Variants in GRAMD1B observed in about 807,000 individuals in gnomAD.
GRAMD1B encodes GRAM domain containing 1B.
In GRAMD1B, 37 loss-of-function variants were observed where a neutral mutation model predicts 99.7. The ratio of observed to expected loss-of-function variants is 0.37; its 90% CI spans 0.29 to 0.49. The LOEUF (loss-of-function observed/expected upper bound fraction) is 0.49. Among genes scored for constraint, GRAMD1B ranks in the 20% least tolerant of loss-of-function variants. GRAMD1B has a pLI of 0.98. For synonymous variants in GRAMD1B, 427 were observed against 387.6 expected, an observed-to-expected ratio of 1.10 and a Z score of -1.19; for missense variants, 888 against 1,009.2, an observed-to-expected ratio of 0.88 and a Z score of 1.63.
Position 123,620,343 on chromosome 11 carries a change from G to A in GRAMD1B, c.2544+1119G>A, listed in dbSNP as rs182437971. Among the ~76,000 whole-genome samples, 264 of 152,038 alleles carry A rather than the reference G, an allele frequency of 1.7e-3. 1 individual carries two copies. Among genetic ancestry groups the A allele is most frequent in the African/African-American group, 5.9e-3 (245 of 41,468 alleles). ...ATAAAAATTAGCCGTGTATGGTGGC[G>A]CACACCTGTAATCCCAGCTACTTGG... On this transcript the variant is annotated intron_variant, in intron 19 of 19. Transcript: ENST00000635736.
At chr11:123,499,255 T>C (rs934869067) in intron 2 of GRAMD1B, among the ~76,000 whole-genome samples, 7 of 152,232 alleles carry the variant, frequency 4.6e-5, no homozygotes, top group African/African-American at 1.7e-4. Flanking sequence ...CCTCTTGCCA[T>C]GTGATACCTT....
At chr11:123,409,273 G>A (rs1427838195) in intron 1 of GRAMD1B, among the ~76,000 whole-genome samples, 5 of 152,120 alleles carry the variant, frequency 3.3e-5, no homozygotes, top group African/African-American at 1.2e-4. Context: ...TAATTTCTCT[G>A]GTCCTCTTTT....
intron 1 of GRAMD1B, among the ~76,000 whole-genome samples, chr11:123,470,213 C>T (rs895757914): frequency 1.3e-5 from 2 of 152,186 alleles, no homozygotes; most frequent in African/African-American, 2.4e-5. Context: ...GGCTTGCACA[C>T]CCACACCACA....
rs1591493517 is a variant in GRAMD1B, at chr11:123,424,284, C to T, written c.-175-56532C>T. Among the ~76,000 whole-genome samples, 4 of 150,720 alleles carry T rather than the reference C, an allele frequency of 2.7e-5. No homozygotes were observed. In the East Asian group the frequency reaches 7.8e-4, roughly 29 times the overall value. ...AAAAAAAAAAAAGAAAAAAGAAAAC[C>T]ACCAAACCCAAACCAATCTGAATAG... On this transcript the variant is annotated intron_variant, in intron 1 of 20. Coordinates refer to the GRAMD1B transcript ENST00000638157.
chr11:123,375,083 C>G (rs1565457860), intron 1 of GRAMD1B, among the ~76,000 whole-genome samples: 1 of 152,156 alleles, frequency 6.6e-6, no homozygotes, highest in Non-Finnish European at 1.5e-5. Flanking sequence ...TCTTCATGAT[C>G]TCACTTAACT....
chr11:123,616,281 CA>C (rs1954373861), intron 17 of GRAMD1B, among the ~76,000 whole-genome samples: 1 of 152,192 alleles, frequency 6.6e-6, no homozygotes, highest in Admixed American at 6.5e-5. Context: ...GAGATCGCGC[CA>C]CTGCACTCCA....
chr11:123,443,181 C>T (rs1484140798), intron 1 of GRAMD1B, among the ~76,000 whole-genome samples: 1 of 152,162 alleles, frequency 6.6e-6, no homozygotes, highest in Non-Finnish European at 1.5e-5. Flanking sequence ...GATTTAAACG[C>T]CTCTGACAGA....
At chr11:123,409,703 G>GT (rs1443422540) in intron 1 of GRAMD1B, among the ~76,000 whole-genome samples, 4 of 152,142 alleles carry the variant, frequency 2.6e-5, no homozygotes, top group Non-Finnish European at 5.9e-5. Context: ...AGCCAGCATG[G>GT]GTTCCTGCAA....
At chr11:123,487,432 C>A (rs968702644) in intron 2 of GRAMD1B, among the ~76,000 whole-genome samples, 10 of 152,152 alleles carry the variant, frequency 6.6e-5, no homozygotes, top group African/African-American at 2.4e-4. Context: ...TCGGGAACCA[C>A]AAATACTTCA....
chr11:123,465,701 G>A (rs971376661), intron 1 of GRAMD1B, among the ~76,000 whole-genome samples: 3 of 151,810 alleles, frequency 2.0e-5, no homozygotes, highest in East Asian at 1.9e-4. Context: ...CCCGGGAGGC[G>A]GAGGTTGCAG....
At chr11:123,600,218 A>C (rs1951778926) in intron 7 of GRAMD1B, among the ~76,000 whole-genome samples, 1 of 152,178 alleles carries the variant, frequency 6.6e-6, no homozygotes, top group African/African-American at 2.4e-5. Flanking sequence ...AACAGGGAGA[A>C]AAGCACTGAG....
At position 123,600,524 on chromosome 11, in the gene GRAMD1B, C is replaced by T. The variant is rs1460873658; in HGVS notation, c.1026C>T (p.Leu342=). ...RDRTYMMMFR[L]WQNALLEKPL... is the part of the protein sequence containing the mutation. The stretch of plus-strand genomic sequence containing the variant: ...GGACATATATGATGATGTTCCGGCT[C>T]TGGCAGAATGCTCTCCTTGAAAAGG... Residue 342 remains leucine (L), a synonymous_variant, in exon 8 of 20, where the codon CTC becomes CTT. Transcript: ENST00000635736. 1.9e-6 allele frequency: 3 copies of T among 1,612,660 alleles called. No individual in the cohort carries two copies. The highest frequency in any genetic ancestry group is 1.1e-5 in the South Asian group (1 of 90,984).
At chr11:123,424,483 C>A (rs1051044998) in intron 1 of GRAMD1B, among the ~76,000 whole-genome samples, 2 of 151,968 alleles carry the variant, frequency 1.3e-5, no homozygotes, top group South Asian at 2.1e-4. Flanking sequence ...AAACAAACAA[C>A]CAACCAAAAA....
In GRAMD1B at chr11:123,510,057, G is replaced by C. The variant is rs923940642; in HGVS notation, c.452+29164G>C. 1 of 152,290 alleles carries C rather than the reference G, an allele frequency of 6.6e-6. No individual in the cohort carries two copies. The highest frequency in any genetic ancestry group is 2.4e-5 in the African/African-American group (1 of 41,436). 9.4% of individuals were successfully genotyped at this position (152,290 alleles called of 1,614,324 possible). On this transcript the variant is annotated intron_variant, in intron 2 of 19. Coordinates refer to ENST00000635736, the MANE Select transcript of GRAMD1B (RefSeq NM_001387025.1). This position sits in a 1 kb window ranked among gnomAD's most constrained non-coding sequence, Gnocchi z 4.3. ...TGCAAGGTGAGTGGCTTCACCGGGC[G>C]AATTTCTCTCCTTTTGCATTCTCCA...
chr11:123,529,247 C>T (rs1204572044), intron 2 of GRAMD1B, among the ~76,000 whole-genome samples: 1 of 152,176 alleles, frequency 6.6e-6, no homozygotes, highest in Non-Finnish European at 1.5e-5. Flanking sequence ...TCTAGAAATA[C>T]ATTTCAGCTG....
At chr11:123,376,537 C>T (rs1360860321) in intron 1 of GRAMD1B, among the ~76,000 whole-genome samples, 3 of 152,100 alleles carry the variant, frequency 2.0e-5, no homozygotes, top group African/African-American at 7.2e-5. Flanking sequence ...TACAGACAAT[C>T]GGAACTATCT....
chr11:123,441,561 T>G (rs561024950), intron 1 of GRAMD1B, among the ~76,000 whole-genome samples: 1 of 152,030 alleles, frequency 6.6e-6, no homozygotes, highest in African/African-American at 2.4e-5. Context: ...TCAGGAATAT[T>G]GCTTAGGCCC....
chr11:123,592,307 C>T (rs560464110), intron 4 of GRAMD1B, among the ~76,000 whole-genome samples: 21 of 152,282 alleles, frequency 1.4e-4, no homozygotes, highest in African/African-American at 4.8e-4. Context: ...GAGCAGTTAC[C>T]CTCCAGAGGC....
chr11:123,559,104 G>A (rs1024825246), intron 2 of GRAMD1B, among the ~76,000 whole-genome samples: 4 of 152,244 alleles, frequency 2.6e-5, no homozygotes, highest in Non-Finnish European at 4.4e-5. Flanking sequence ...TGTTCAGGGT[G>A]GTCCCGGAAT....
Sources: allele counts gnomAD v4.1 joint callset (sites outside exome capture counted in the v4.1 genomes callset), GRCh38; gene constraint gnomAD v4.1.1; non-coding constraint Gnocchi (gnomAD v3.1); transcripts MANE v1.5; gene names NCBI Gene and HGNC (gene_info 2026-07-23, HGNC 2026-07-21).